The following FLOT1 variants were observed in gnomAD, a reference collection of about 807,000 sequenced individuals.
FLOT1 encodes the protein flotillin-1.
In FLOT1, 40 loss-of-function variants were observed where a neutral mutation model predicts 58.4. The observed-to-expected ratio is 0.69, with a 90% confidence interval of 0.53 to 0.89. FLOT1 has a LOEUF of 0.89. Among genes scored for constraint, FLOT1 ranks in the 40% least tolerant of loss-of-function variants. The pLI is 0.00. For missense variants in FLOT1, 423 were observed against 540.8 expected, an observed-to-expected ratio of 0.78 and a Z score of 2.16; for synonymous variants, 178 against 204.2, an observed-to-expected ratio of 0.87 and a Z score of 1.09.
Position 30,741,506 on chromosome 6 carries a change from T to C in FLOT1, c.210+108A>G. 1 of 1,256,424 alleles carries C rather than the reference T, an allele frequency of 8.0e-7. No homozygotes were observed. The allele number at this position is 1,256,424 out of a possible 1,614,324, so 77.8% of individuals were successfully genotyped here. A position where few individuals can be genotyped will look rare whatever the true frequency, so the allele number is the denominator to read the frequency against. On this transcript the variant is annotated intron_variant, in intron 4 of 12. Coordinates refer to ENST00000376389, the MANE Select transcript of FLOT1 (RefSeq NM_005803.4). This position sits in a 1 kb window ranked among gnomAD's most constrained non-coding sequence, Gnocchi z 5.9. ...GAAAAGATGAGACTAGCAGAGGAAC[T>C]TCTCTGCAGGCAAGGGTTGAGAAGA...
rs1237822096 is a variant in FLOT1 at position 30,742,144 on chromosome 6, T to C, written c.43+3A>G. 1 of 1,612,598 alleles carries C rather than the reference T, an allele frequency of 6.2e-7. No individual in the cohort carries two copies. On this transcript the variant is annotated splice_donor_region_variant and intron_variant, in intron 2 of 12. Coordinates refer to ENST00000376389, the MANE Select transcript of FLOT1 (RefSeq NM_005803.4). This position sits in a 1 kb window ranked among gnomAD's most constrained non-coding sequence, Gnocchi z 5.2. ...TGGCTGGGAAGGGAACAACAGTACT[T>C]ACCGGAGACCACCATGGCCTCATTT...
At chr6:30,736,751 G>A (rs944819952) in intron 8 of FLOT1, among the ~76,000 whole-genome samples, 7 of 151,158 alleles carry the variant, frequency 4.6e-5, no homozygotes, top group East Asian at 2.0e-4. Flanking sequence ...CTGCCACCAC[G>A]CCCAGCTAAT....
Position 30,741,809 on chromosome 6 carries a change from G to A in FLOT1, c.102C>T (p.Cys34=). ...VAGGRVFVLP[C]IQQIQRISLN... is the part of the protein sequence containing the mutation. ...TTGCCTACCTCTGGATCTGTTGGAT[G>A]CAGGGCAGGACAAAGACACGCCCTC... is the stretch of plus-strand genomic sequence containing the variant. Residue 34 remains cysteine (C), a synonymous_variant, in exon 3 of 13, where the codon TGC becomes TGT. Coordinates refer to ENST00000376389, the MANE Select transcript of FLOT1 (RefSeq NM_005803.4). The surrounding 1 kb of genome is among the most constrained non-coding windows in gnomAD (Gnocchi z 5.9). The A allele has an allele frequency of 6.2e-7, 1 of 1,612,978 alleles. No individual in the cohort carries two copies. Among genetic ancestry groups the A allele is most frequent in the Middle Eastern group, 1.7e-4 (1 of 6,028 alleles).
rs1188360209 is a variant in FLOT1, at chr6:30,737,990, T to C, written c.723+2168A>G. 1.3e-5 allele frequency among the ~76,000 whole-genome samples: 2 copies of C among 152,224 alleles called. No individual in the cohort carries two copies. The highest frequency in any genetic ancestry group is 2.4e-5 in the African/African-American group (1 of 41,462). ...GTGCATAACGAGAAACTGATAAAAG[T>C]TGAAAAGAGTCCAACCAGTCCAATC... On this transcript the variant is annotated intron_variant, in intron 8 of 12. Transcript: ENST00000376389. The surrounding 1 kb of genome is among the most constrained non-coding windows in gnomAD (Gnocchi z 4.4).
chr6:30,740,011 T>C (rs1479763743), intron 8 of FLOT1, 147 bp downstream of exon 8: 4 of 741,158 alleles, frequency 5.4e-6, no homozygotes, highest in Non-Finnish European at 8.7e-6. Flanking sequence ...CTTTTAAATC[T>C]CTCCTCATAT....
In FLOT1 at chr6:30,728,015, T is replaced by A; in HGVS notation, c.*101A>T. On this transcript the variant is annotated 3_prime_UTR_variant, in exon 13 of 13. Transcript: ENST00000376389. ...GGAGAGATGAGGGGTGGGACCTCAC[T>A]GTCAATGGACATGCTCAGGGAGGCC... is the stretch of plus-strand genomic sequence containing the variant. 1 of 1,105,682 alleles carries A rather than the reference T, an allele frequency of 9.0e-7. No individual in the cohort carries two copies. 68.5% of individuals were successfully genotyped at this position (1,105,682 alleles called of 1,614,324 possible).
chr6:30,735,376 C>G (rs1418913645), intron 8 of FLOT1, among the ~76,000 whole-genome samples: 1 of 151,428 alleles, frequency 6.6e-6, no homozygotes, highest in Non-Finnish European at 1.5e-5. Context: ...CATTGTGAGG[C>G]TGAGGTGGAT....
Position 30,730,182 on chromosome 6 carries a change from G to T in FLOT1, c.1094C>A (p.Ala365Glu). Residue 365 changes from alanine to glutamate, a missense_variant, in exon 12 of 13, where the codon GCA becomes GAA. Around this residue, in one of 6 missense-constraint regions of FLOT1, gnomAD observed 42 missense variants for 74.4 expected, o/e 0.56. Transcript: ENST00000376389. ...DMLLEKLPQV[A>E]EEISGPLTSA... ...AGTCAAGGGACCACTGATCTCCTCT[G>T]CCACCTGGCAGGAGAGAGACACCCA... The T allele has an allele frequency of 6.2e-7, 1 of 1,612,936 alleles. No individual in the cohort carries two copies. The highest frequency in any genetic ancestry group is 8.5e-7 in the Non-Finnish European group (1 of 1,179,952).
chr6:30,728,605 G>A (rs1268291514), intron 12 of FLOT1, among the ~76,000 whole-genome samples: 1 of 151,750 alleles, frequency 6.6e-6, no homozygotes, highest in East Asian at 1.9e-4. Flanking sequence ...GAGTAGCTGG[G>A]ATTACAGGTA....
intron 8 of FLOT1, among the ~76,000 whole-genome samples, chr6:30,736,575 TGA>T (rs1777580173): frequency 6.6e-6 from 1 of 150,658 alleles, no homozygotes; most frequent in Admixed American, 6.6e-5. Flanking sequence ...CCATCATCTC[TGA>T]AAAAGAGCCC....
chr6:30,731,721 G>A (rs941826690), intron 8 of FLOT1, among the ~76,000 whole-genome samples: 12 of 152,168 alleles, frequency 7.9e-5, no homozygotes, highest in Admixed American at 2.0e-4. Context: ...CTTAGTGCTA[G>A]CCTAGGCTAC....
chr6:30,741,828 C>G lies in FLOT1; in HGVS notation c.83G>C (p.Arg28Pro), dbSNP rs750570478. ...RSPPVMVAGG[R>P]VFVLPCIQQI... is the part of the protein sequence containing the mutation. ...TTGGATGCAGGGCAGGACAAAGACA[C>G]GCCCTCCAGCCACCATGACTGGGGG... The change falls in exon 3 of 13, where the codon CGT becomes CCT. Residue 28 changes from arginine (R) to proline (P), a missense_variant. Around this residue, in one of 6 missense-constraint regions of FLOT1, gnomAD observed 91 missense variants for 118.3 expected, o/e 0.77. Coordinates refer to ENST00000376389, the MANE Select transcript of FLOT1 (RefSeq NM_005803.4). This position sits in a 1 kb window ranked among gnomAD's most constrained non-coding sequence, Gnocchi z 5.9. 2.5e-6 allele frequency: 4 copies of G among 1,612,938 alleles called. No homozygotes were observed. The South Asian group carries it at 3.3e-5, about 13-fold the overall frequency.
chr6:30,736,641 T>C (rs997886671), intron 8 of FLOT1, among the ~76,000 whole-genome samples: 11 of 151,248 alleles, frequency 7.3e-5, no homozygotes, highest in African/African-American at 2.7e-4. Flanking sequence ...TCATCCAGGC[T>C]GGAGTGCAGT....
At chr6:30,739,124 G>A (rs1031874604) in intron 8 of FLOT1, among the ~76,000 whole-genome samples, 3 of 152,216 alleles carry the variant, frequency 2.0e-5, no homozygotes, top group African/African-American at 4.8e-5. Context: ...CCAAGTCCAT[G>A]TTTTCCTTCT....
intron 8 of FLOT1, among the ~76,000 whole-genome samples, 182 bp from the exon 9 acceptor site, chr6:30,731,282 C>T (rs1409026085): frequency 6.6e-6 from 1 of 151,962 alleles, no homozygotes; most frequent in Non-Finnish European, 1.5e-5. Flanking sequence ...TTCAGGAGCT[C>T]GAGACCAGCC....
At chr6:30,736,063 G>A (rs1326236625) in intron 8 of FLOT1, among the ~76,000 whole-genome samples, 1 of 151,932 alleles carries the variant, frequency 6.6e-6, no homozygotes, top group African/African-American at 2.4e-5. Context: ...ACCAGCCTGG[G>A]CAACATGGTG....
In FLOT1 at chr6:30,740,596, G is replaced by A. The variant is rs770110434; in HGVS notation, c.475-5C>T. On this transcript the variant is annotated splice_polypyrimidine_tract_variant and splice_region_variant and intron_variant, in intron 6 of 12. Coordinates refer to ENST00000376389, the MANE Select transcript of FLOT1 (RefSeq NM_005803.4). The stretch of plus-strand genomic sequence containing the variant: ...CCCCAAAGAGTGCAAATAGTCCTGT[G>A]GGAGAGATGTAGAAATTAGTCCTTT... 2.5e-6 allele frequency: 4 copies of A among 1,612,832 alleles called. No individual in the cohort carries two copies. In the African/African-American group the frequency reaches 4.0e-5, roughly 16 times the overall value.
At chr6:30,728,266 T>C in intron 12 of FLOT1, 121 bp from the exon 13 acceptor site, 1 of 802,280 alleles carries the variant, frequency 1.2e-6, no homozygotes, top group Non-Finnish European at 2.2e-6. Flanking sequence ...CAGGGTTCTT[T>C]CTGGTGCCCT....
At chr6:30,728,269 G>C in intron 12 of FLOT1, 124 bp from the exon 13 acceptor site, 1 of 790,810 alleles carries the variant, frequency 1.3e-6, no homozygotes, top group Non-Finnish European at 2.2e-6. Flanking sequence ...GGTTCTTTCT[G>C]GTGCCCTACC....
Sources: gnomAD v4.1 joint callset for allele counts (sites outside exome capture counted in the v4.1 genomes callset) on GRCh38, gnomAD v4.1.1 for gene constraint, gnomAD v4.1.1 regional missense constraint, Gnocchi (gnomAD v3.1) non-coding constraint, MANE v1.5 for transcripts, NCBI Gene and HGNC (gene_info 2026-07-23, HGNC 2026-07-21) for gene names.